The following ARHGAP26 variants were observed in gnomAD, a reference collection of about 807,000 sequenced individuals.
The protein encoded by ARHGAP26 is rho GTPase-activating protein 26.
ARHGAP26 carries 38 observed loss-of-function variants against 104.8 expected under a neutral mutation model. The ratio of observed to expected loss-of-function variants is 0.36; its 90% CI spans 0.28 to 0.48. ARHGAP26 has a LOEUF of 0.48. Among genes scored for constraint, ARHGAP26 ranks in the 20% least tolerant of loss-of-function variants. The pLI is 0.99. For synonymous variants in ARHGAP26, 341 were observed against 340.0 expected, an observed-to-expected ratio of 1.00 and a Z score of -0.03; for missense variants, 704 against 947.9, an observed-to-expected ratio of 0.74 and a Z score of 3.38.
chr5:143,197,741 C>T (rs1297463298), intron 20 of ARHGAP26, among the ~76,000 whole-genome samples: 1 of 152,158 alleles, frequency 6.6e-6, no homozygotes, highest in Non-Finnish European at 1.5e-5. Context: ...ATTATTTCTT[C>T]TAAAATCTTT....
At chr5:142,946,059 G>T (rs1413323674) in intron 11 of ARHGAP26, among the ~76,000 whole-genome samples, 1 of 152,124 alleles carries the variant, frequency 6.6e-6, no homozygotes, top group Non-Finnish European at 1.5e-5. Flanking sequence ...GTGTATCTGG[G>T]AACTGTTGTC....
intron 11 of ARHGAP26, among the ~76,000 whole-genome samples, chr5:143,008,565 G>A (rs77442646): frequency 0.024 from 3,718 of 152,332 alleles, 62 homozygotes; most frequent in Middle Eastern, 0.051. Context: ...GAGTTTGGAT[G>A]TGCATTTGGG....
chr5:143,166,825 CT>C (rs1260397623), intron 20 of ARHGAP26, among the ~76,000 whole-genome samples: 1 of 152,188 alleles, frequency 6.6e-6, no homozygotes, highest in African/African-American at 2.4e-5. Flanking sequence ...CAGGACATAC[CT>C]TTTGCAGACA....
rs1811797384 is a variant in ARHGAP26 at position 143,228,015 on chromosome 5, CAT to C, written c.*5570_*5571del. On this transcript the variant is annotated 3_prime_UTR_variant, in exon 23 of 23. Coordinates refer to ENST00000645722, the MANE Select transcript of ARHGAP26 (RefSeq NM_001135608.3). ...CTTGTGTGGGTATGACATGACATGACATGTCCATGTCAAAATTCACTTTAGTC... is the reference window on the plus strand; with the variant it reads ...CTTGTGTGGGTATGACATGACATGACGTCCATGTCAAAATTCACTTTAGTC... 1 of 220,144 alleles carries C rather than the reference CAT, an allele frequency of 4.5e-6. No homozygotes were observed. The highest frequency in any genetic ancestry group is 2.2e-5 in the African/African-American group (1 of 44,618). 13.6% of individuals were successfully genotyped at this position (220,144 alleles called of 1,614,324 possible).
rs3776371 is a variant in ARHGAP26, at chr5:142,982,959, C to A, written c.1108-31121C>A. Among the ~76,000 whole-genome samples the A allele has an allele frequency of 1.1e-4, 17 of 152,178 alleles. No homozygotes were observed. The East Asian group carries it at 2.7e-3, about 24-fold the overall frequency. ...AGTTGCCTGTCCACCTCTGATAGCA[C>A]ATGCAGCCTTGCATCTGGGGTTGGT... is the stretch of plus-strand genomic sequence containing the variant. On this transcript the variant is annotated intron_variant, in intron 11 of 22. Transcript: ENST00000645722.
chr5:142,899,793 C>A (rs951369867), intron 6 of ARHGAP26, among the ~76,000 whole-genome samples: 5 of 152,028 alleles, frequency 3.3e-5, no homozygotes, highest in African/African-American at 1.2e-4. Context: ...GTTAAGGAGT[C>A]ATTTCCCATA....
chr5:143,024,822 T>C (rs1780818522), intron 12 of ARHGAP26, among the ~76,000 whole-genome samples: 1 of 152,194 alleles, frequency 6.6e-6, no homozygotes, highest in South Asian at 2.1e-4. Context: ...CATGTAAGAT[T>C]GAGCAGAGGG....
intron 20 of ARHGAP26, among the ~76,000 whole-genome samples, chr5:143,204,368 C>CA (rs1346578572): frequency 6.6e-6 from 1 of 151,968 alleles, no homozygotes; most frequent in East Asian, 1.9e-4. Context: ...ACTAAAAATA[C>CA]AAAAAATTAG....
chr5:142,912,816 C>G (rs900311988), intron 9 of ARHGAP26, among the ~76,000 whole-genome samples: 3 of 152,074 alleles, frequency 2.0e-5, no homozygotes, highest in Non-Finnish European at 4.4e-5. Flanking sequence ...TGTTCTGATC[C>G]AGGAAGATTT....
intron 14 of ARHGAP26, among the ~76,000 whole-genome samples, chr5:143,048,868 G>A (rs1370519167): frequency 8.8e-5 from 13 of 147,882 alleles, no homozygotes; most frequent in Non-Finnish European, 1.8e-4. Flanking sequence ...GAGCTGAGTC[G>A]TGCCATTGCA....
chr5:142,791,612 A>G (rs1289419260), intron 1 of ARHGAP26, among the ~76,000 whole-genome samples: 1 of 152,132 alleles, frequency 6.6e-6, no homozygotes, highest in East Asian at 1.9e-4. Context: ...AACTGCTTTA[A>G]AAAGAGAGAT....
intron 1 of ARHGAP26, among the ~76,000 whole-genome samples, chr5:142,801,311 TATAGTC>T (rs1190590288): frequency 3.9e-5 from 6 of 152,190 alleles, no homozygotes; most frequent in Admixed American, 2.6e-4. Context: ...TAATAAGAGT[TATAGTC>T]ATAGCGAATA....
chr5:143,139,575 T>C (rs766449128), intron 19 of ARHGAP26, among the ~76,000 whole-genome samples: 5 of 152,198 alleles, frequency 3.3e-5, no homozygotes, highest in Non-Finnish European at 5.9e-5. Flanking sequence ...TACCTCAATG[T>C]GCGTCCTGGC....
At chr5:142,913,873 A>G (rs936029152) in intron 10 of ARHGAP26, among the ~76,000 whole-genome samples, 1 of 152,316 alleles carries the variant, frequency 6.6e-6, no homozygotes, top group East Asian at 1.9e-4. Flanking sequence ...AGAGTCTCTC[A>G]TTAAGTTGTA....
At chr5:143,206,157 T>G (rs1172931816) in intron 20 of ARHGAP26, among the ~76,000 whole-genome samples, 1 of 152,226 alleles carries the variant, frequency 6.6e-6, no homozygotes, top group Non-Finnish European at 1.5e-5. Context: ...GCTTAGAAAG[T>G]CTGTTCCCCT....
chr5:143,097,360 G>GAAAAAAAAAA (rs56116431), intron 17 of ARHGAP26, among the ~76,000 whole-genome samples: 35 of 63,152 alleles, frequency 5.5e-4, no homozygotes, highest in Admixed American at 9.9e-4. Context: ...TCAAAAAAAA[G>GAAAAAAAAAA]AAAAAAAAAA....
chr5:143,112,310 A>G (rs906955795), intron 17 of ARHGAP26, among the ~76,000 whole-genome samples: 3 of 152,138 alleles, frequency 2.0e-5, no homozygotes, highest in Non-Finnish European at 4.4e-5. Context: ...AGGAATGGGG[A>G]TCAGCATTAG....
At chr5:143,175,661 G>A (rs1803377679) in intron 20 of ARHGAP26, among the ~76,000 whole-genome samples, 1 of 152,052 alleles carries the variant, frequency 6.6e-6, no homozygotes, top group Non-Finnish European at 1.5e-5. Flanking sequence ...GGGCATATGT[G>A]GGGTGTGGGA....
intron 11 of ARHGAP26, among the ~76,000 whole-genome samples, chr5:142,967,632 A>G (rs1365524011): frequency 6.6e-6 from 1 of 152,204 alleles, no homozygotes; most frequent in Non-Finnish European, 1.5e-5. Context: ...ATACATCAGT[A>G]TTCTATTGAT....
Sources: gnomAD v4.1 joint callset for allele counts (sites outside exome capture counted in the v4.1 genomes callset) on GRCh38, gnomAD v4.1.1 for gene constraint, MANE v1.5 for transcripts, NCBI Gene and HGNC (gene_info 2026-07-23, HGNC 2026-07-21) for gene names.